Variants in COL18A1 observed in about 807,000 individuals in gnomAD.
COL18A1 encodes collagen type XVIII alpha 1 chain.
A neutral mutation model predicts 168.0 loss-of-function variants in COL18A1; 133 were observed. That is an observed-to-expected ratio of 0.79 (90% CI 0.69 to 0.91). The LOEUF (loss-of-function observed/expected upper bound fraction) is 0.91, where lower values mean the gene tolerates loss of function less well. Ranked by LOEUF, COL18A1 falls within the 40% of genes least tolerant of loss-of-function variation. The pLI, the probability that COL18A1 is intolerant of heterozygous loss-of-function variation, is 0.00. For missense variants in COL18A1, 2,126 were observed against 1,925.4 expected, an observed-to-expected ratio of 1.10 and a Z score of -1.95; for synonymous variants, 949 against 809.0, an observed-to-expected ratio of 1.17 and a Z score of -2.94.
chr21:45,454,453 A>G (rs1382400566), intron 2 of COL18A1, among the ~76,000 whole-genome samples: 1 of 152,130 alleles, frequency 6.6e-6, no homozygotes, highest in Non-Finnish European at 1.5e-5. Flanking sequence ...CGTGCAGAGC[A>G]CTGAGGGGGT....
At chr21:45,438,262 T>TTA (rs1555973122) in intron 2 of COL18A1, among the ~76,000 whole-genome samples, 2 of 39,660 alleles carry the variant, frequency 5.0e-5, no homozygotes, top group Admixed American at 2.4e-4. Context: ...ACACACACAC[T>TTA]CACACTCAGA....
intron 41 of COL18A1, 141 bp from the exon 42 acceptor site, chr21:45,512,046 GC>G: frequency 1.2e-6 from 1 of 863,104 alleles, no homozygotes; most frequent in South Asian, 1.5e-5. Flanking sequence ...AGGCCATGTG[GC>G]CCTCCAGGTT....
rs145790068 is a variant in COL18A1, at chr21:45,443,542, T to A, written c.107-24700T>A. ...GGCCAAGGGCTCCCTCCTTGCACTG[T>A]GGTCTCTCGGGACCTAGGAGGTCCC... On this transcript the variant is annotated intron_variant, in intron 2 of 41. Transcript: ENST00000651438. This position sits in a 1 kb window ranked among gnomAD's most constrained non-coding sequence, Gnocchi z 5.2. 1.7e-3 allele frequency among the ~76,000 whole-genome samples: 258 copies of A among 152,184 alleles called. 1 individual carries two copies. The highest frequency in any genetic ancestry group is 6.0e-3 in the African/African-American group (250 of 41,536).
rs1033369951 is a variant in COL18A1, at chr21:45,423,576, C to T, written c.106+18103C>T. 4.6e-5 allele frequency among the ~76,000 whole-genome samples: 7 copies of T among 151,840 alleles called. No individual in the cohort carries two copies. Among genetic ancestry groups the T allele is most frequent in the African/African-American group, 1.5e-4 (6 of 41,372 alleles). The stretch of plus-strand genomic sequence containing the variant: ...GGCCTCTCTTGAATCCCAGCCTCCT[C>T]GGGGTCAGCCCAGGTTGTCCCCACC... On this transcript the variant is annotated intron_variant, in intron 2 of 41. Transcript: ENST00000651438. This position sits in a 1 kb window ranked among gnomAD's most constrained non-coding sequence, Gnocchi z 4.0.
chr21:45,432,770 T>A (rs1194651370), intron 2 of COL18A1, among the ~76,000 whole-genome samples: 1 of 152,120 alleles, frequency 6.6e-6, no homozygotes, highest in Admixed American at 6.5e-5. Context: ...TGGGTCAGGG[T>A]GGGACATGGC....
chr21:45,510,377 C>G, intron 40 of COL18A1, 116 bp downstream of exon 40: 4 of 1,221,874 alleles, frequency 3.3e-6, no homozygotes, highest in South Asian at 2.6e-5. Flanking sequence ...GTTACAGACA[C>G]TGGCGCCTAG....
chr21:45,479,128 A>G (rs1321456143), intron 9 of COL18A1, among the ~76,000 whole-genome samples: 1 of 150,218 alleles, frequency 6.7e-6, no homozygotes, highest in Admixed American at 6.7e-5. Context: ...GGGCACACAC[A>G]CGTGTGTATG....
At position 45,477,744 on chromosome 21, in the gene COL18A1, T is replaced by A. The variant is rs1379142624; in HGVS notation, c.1006-6T>A. Reference sequence around the variant, plus strand: ...AGCCCGAGCCCTGTGTTCTGTTTATTCCCAGGGCGGCCTGAAGGGGCAGAA... The same window carrying A: ...AGCCCGAGCCCTGTGTTCTGTTTATACCCAGGGCGGCCTGAAGGGGCAGAA... On this transcript the variant is annotated splice_region_variant and splice_polypyrimidine_tract_variant and intron_variant, in intron 7 of 41. Coordinates refer to ENST00000651438, the MANE Select transcript of COL18A1 (RefSeq NM_001379500.1). 1 of 1,534,962 alleles carries A rather than the reference T, an allele frequency of 6.5e-7. No homozygotes were observed. Among genetic ancestry groups the A allele is most frequent in the Admixed American group, 2.0e-5 (1 of 50,558 alleles).
chr21:45,476,544 T>G lies in COL18A1; in HGVS notation c.928+64T>G, dbSNP rs80289899. The G allele has an allele frequency of 0.2, 300,929 of 1,533,764 alleles. 28,965 individuals are homozygous for G. The highest frequency in any genetic ancestry group is 0.22 in the African/African-American group (15,435 of 71,168). ...GGTGTGTGTGGTGTGTAACGTGTGT[T>G]TGTGTGATGGTGAGGTATGTGTGTG... is the stretch of plus-strand genomic sequence containing the variant. On this transcript the variant is annotated intron_variant, in intron 6 of 41. Coordinates refer to ENST00000651438, the MANE Select transcript of COL18A1 (RefSeq NM_001379500.1).
rs536805595 is a variant in COL18A1 at position 45,497,454 on chromosome 21, C to T, written c.2621-145C>T. Reference sequence around the variant, plus strand: ...GACCCAGGGCGCCCCTGCTCTCCAGCAGCTCCTACCCTGACTGTCCCCATG... The same window carrying T: ...GACCCAGGGCGCCCCTGCTCTCCAGTAGCTCCTACCCTGACTGTCCCCATG... On this transcript the variant is annotated intron_variant, in intron 31 of 41. Coordinates refer to ENST00000651438, the MANE Select transcript of COL18A1 (RefSeq NM_001379500.1). 6.7e-5 allele frequency: 78 copies of T among 1,159,722 alleles called. No homozygotes were observed. In the African/African-American group the frequency reaches 8.2e-4, roughly 12 times the overall value. The allele number at this position is 1,159,722 out of a possible 1,614,324, so 71.8% of individuals were successfully genotyped here.
intron 9 of COL18A1, among the ~76,000 whole-genome samples, chr21:45,479,413 A>G (rs368407975): frequency 5.9e-5 from 9 of 151,980 alleles, no homozygotes; most frequent in African/African-American, 1.7e-4. Context: ...GCACGTGCAC[A>G]CATCACACGT....
At chr21:45,450,774 G>C (rs1408088863) in intron 2 of COL18A1, among the ~76,000 whole-genome samples, 1 of 152,168 alleles carries the variant, frequency 6.6e-6, no homozygotes, top group Non-Finnish European at 1.5e-5. Context: ...CAGTGCATGT[G>C]ACCTCCCCAC....
At position 45,471,340 on chromosome 21, in the gene COL18A1, A is replaced by G. The variant is rs2035422913; in HGVS notation, c.651+2554A>G. 6.6e-6 allele frequency among the ~76,000 whole-genome samples: 1 copy of G among 152,178 alleles called. No homozygotes were observed. Among genetic ancestry groups the G allele is most frequent in the Non-Finnish European group, 1.5e-5 (1 of 68,028 alleles). ...GCTTGTGTGGTAGAAAAGAAGACAG[A>G]CTTGTTCAGCACAAGATTTTCTCAG... On this transcript the variant is annotated intron_variant, in intron 3 of 41. Coordinates refer to ENST00000651438, the MANE Select transcript of COL18A1 (RefSeq NM_001379500.1). This position sits in a 1 kb window ranked among gnomAD's most constrained non-coding sequence, Gnocchi z 4.4.
intron 2 of COL18A1, among the ~76,000 whole-genome samples, chr21:45,444,346 C>T (rs996389866): frequency 1.4e-5 from 2 of 144,444 alleles, no homozygotes; most frequent in African/African-American, 2.7e-5. Context: ...TAGTGAGGTG[C>T]GTGCAGGGGT....
At chr21:45,469,167 A>G (rs1292072843) in intron 3 of COL18A1, among the ~76,000 whole-genome samples, 2 of 151,854 alleles carry the variant, frequency 1.3e-5, no homozygotes, top group Admixed American at 6.6e-5. Context: ...ACCCAGAGAC[A>G]CCCCCAGGCC....
rs1475745833 is a variant in COL18A1, at chr21:45,438,185, CAG to C, written c.107-30055_107-30054del. Among the ~76,000 whole-genome samples, 8 of 126,594 alleles carry C rather than the reference CAG, an allele frequency of 6.3e-5. No individual in the cohort carries two copies. In the East Asian group the frequency reaches 9.6e-4, roughly 15 times the overall value. 83.1% of individuals were successfully genotyped at this position (126,594 alleles called of 152,430 possible). On this transcript the variant is annotated intron_variant, in intron 2 of 41. Coordinates refer to ENST00000651438, the MANE Select transcript of COL18A1 (RefSeq NM_001379500.1). ...TCTCCTGCATACACACACTCACACT[CAG>C]ACACACAGGCACTCTCCTGCACACA...
At chr21:45,486,312 C>T (rs1008040701) in intron 15 of COL18A1, among the ~76,000 whole-genome samples, 1 of 141,574 alleles carries the variant, frequency 7.1e-6, no homozygotes, top group Non-Finnish European at 1.5e-5. Flanking sequence ...TCTCCTCTCT[C>T]CTCTCTTCTC....
intron 2 of COL18A1, among the ~76,000 whole-genome samples, chr21:45,441,344 C>T (rs893899559): frequency 1.3e-5 from 2 of 152,200 alleles, no homozygotes; most frequent in African/African-American, 2.4e-5. Context: ...AAGACGCTGC[C>T]CCTACTGTCC....
chr21:45,435,820 GCCT>G (rs746445675), intron 2 of COL18A1, among the ~76,000 whole-genome samples: 1 of 152,166 alleles, frequency 6.6e-6, no homozygotes, highest in Non-Finnish European at 1.5e-5. Flanking sequence ...GAGGGTGTCG[GCCT>G]CCTCTGCATT....
Sources: gnomAD v4.1 joint callset for allele counts (sites outside exome capture counted in the v4.1 genomes callset) on GRCh38, gnomAD v4.1.1 for gene constraint, Gnocchi (gnomAD v3.1) non-coding constraint, MANE v1.5 for transcripts, NCBI Gene and HGNC (gene_info 2026-07-23, HGNC 2026-07-21) for gene names.